SLC39A10: variants seen among roughly 807,000 people sequenced by gnomAD.
SLC39A10 encodes zinc transporter ZIP10.
In SLC39A10, 13 loss-of-function variants were observed where a neutral mutation model predicts 65.1. The ratio of observed to expected loss-of-function variants is 0.20; its 90% CI spans 0.13 to 0.32. The LOEUF (loss-of-function observed/expected upper bound fraction) is 0.32, where lower values mean the gene tolerates loss of function less well. Among genes scored for constraint, SLC39A10 ranks in the 10% least tolerant of loss-of-function variants. The probability of loss-of-function intolerance (pLI) is 1.00; values close to 1 mark genes in which losing one functional copy is unlikely to be tolerated. For synonymous variants in SLC39A10, 321 were observed against 342.2 expected (o/e 0.94, Z 0.68); for missense variants, 831 against 1,018.4 (o/e 0.82, Z 2.50).
upstream of SLC39A10, among the ~76,000 whole-genome samples, chr2:195,652,547 T>TAAA (rs746583732): frequency 5.7e-5 from 7 of 123,810 alleles, no homozygotes; most frequent in African/African-American, 2.1e-4. Flanking sequence ...AGACTCATCT[T>TAAA]AAAAAAAAAA....
chr2:195,632,187 C>T (rs1688597893), intron 2 of SLC39A10, among the ~76,000 whole-genome samples: 1 of 151,826 alleles, frequency 6.6e-6, no homozygotes, highest in Admixed American at 6.6e-5. Flanking sequence ...GCCACCACAC[C>T]CATCATCATG....
intron 5 of SLC39A10, among the ~76,000 whole-genome samples, chr2:195,712,929 A>G (rs1414538568): frequency 6.6e-6 from 1 of 152,152 alleles, no homozygotes; most frequent in Non-Finnish European, 1.5e-5. Flanking sequence ...ATTTTTACAG[A>G]TGAGTATTCT....
chr2:195,693,559 C>A (rs1464535592), intron 3 of SLC39A10, among the ~76,000 whole-genome samples: 3 of 151,942 alleles, frequency 2.0e-5, no homozygotes, highest in African/African-American at 7.3e-5. Context: ...ATTTATCCAT[C>A]TCATCTAGGT....
intron 2 of SLC39A10, among the ~76,000 whole-genome samples, chr2:195,638,993 G>C (rs972976272): frequency 4.0e-5 from 6 of 150,772 alleles, no homozygotes; most frequent in African/African-American, 1.5e-4. Flanking sequence ...GGTCATGCTG[G>C]TGCCCCGGCT....
At chr2:195,630,987 G>A (rs1209704323) in intron 2 of SLC39A10, among the ~76,000 whole-genome samples, 2 of 152,142 alleles carry the variant, frequency 1.3e-5, no homozygotes, top group Non-Finnish European at 2.9e-5. Flanking sequence ...TCAAGAGTTT[G>A]AGACCAGCCT....
chr2:195,687,128 C>A (rs777565696), intron 3 of SLC39A10, among the ~76,000 whole-genome samples: 5 of 152,032 alleles, frequency 3.3e-5, no homozygotes, highest in Admixed American at 1.3e-4. Flanking sequence ...GCTTATTGAT[C>A]TTGGTGGATG....
chr2:195,731,498 G>A (rs1692432099), intron 9 of SLC39A10, among the ~76,000 whole-genome samples: 1 of 152,054 alleles, frequency 6.6e-6, no homozygotes, highest in Admixed American at 6.5e-5. Flanking sequence ...GTCAGCTCTG[G>A]GAGGACAGGC....
At chr2:195,689,758 T>C (rs1337503981) in intron 3 of SLC39A10, among the ~76,000 whole-genome samples, 1 of 152,192 alleles carries the variant, frequency 6.6e-6, no homozygotes, top group Non-Finnish European at 1.5e-5. Context: ...CAATCTACTG[T>C]CTTTATGTTT....
At chr2:195,623,195 A>G (rs1039159879) in intron 2 of SLC39A10, among the ~76,000 whole-genome samples, 1 of 152,156 alleles carries the variant, frequency 6.6e-6, no homozygotes, top group Non-Finnish European at 1.5e-5. Context: ...CCTTCAAAGT[A>G]GAATTTCAGA....
rs1691413537 is a variant in SLC39A10 at position 195,706,791 on chromosome 2, AAATGTTTTT to A, written c.1386+18_1386+26del. 11 of 1,487,586 alleles carry A rather than the reference AAATGTTTTT, an allele frequency of 7.4e-6. No homozygotes were observed. The Admixed American group carries it at 1.0e-4, about 14-fold the overall frequency. The allele number at this position is 1,487,586 out of a possible 1,614,324, so 92.1% of individuals were successfully genotyped here. ...TTCTTCATCTACTGCCCCATGTAAG[AAATGTTTTT>A]AATGTTTTTAAAAATTTAAAATAAA... On this transcript the variant is annotated splice_region_variant and intron_variant, in intron 4 of 9. Coordinates refer to ENST00000359634, the MANE Select transcript of SLC39A10 (RefSeq NM_020342.3).
chr2:195,622,830 A>G (rs1038500672), intron 2 of SLC39A10, among the ~76,000 whole-genome samples: 2 of 152,048 alleles, frequency 1.3e-5, no homozygotes, highest in African/African-American at 4.8e-5. Flanking sequence ...AAAATTGGCC[A>G]GGTGTGGTGG....
At chr2:195,723,511 C>T (rs1692125091) in intron 8 of SLC39A10, among the ~76,000 whole-genome samples, 1 of 152,152 alleles carries the variant, frequency 6.6e-6, no homozygotes, top group Non-Finnish European at 1.5e-5. Context: ...GTCGTCTGCA[C>T]TCTCAGAACA....
At position 195,736,268 on chromosome 2, in the gene SLC39A10, A is replaced by ATAAT. The variant is rs1692601298; in HGVS notation, c.*1229_*1232dup. On this transcript the variant is annotated 3_prime_UTR_variant, in exon 10 of 10. Transcript: ENST00000359634. ...CTTTTAGGTGCCCTGTTCTCCTACC[A>ATAAT]TAATTGTGAATGATTTGTGAGAAGT... The ATAAT allele has an allele frequency of 1.3e-5, 2 of 158,264 alleles. No individual in the cohort carries two copies. Among genetic ancestry groups the ATAAT allele is most frequent in the Admixed American group, 6.5e-5 (1 of 15,276 alleles). 9.8% of individuals were successfully genotyped at this position (158,264 alleles called of 1,614,324 possible).
At chr2:195,699,302 T>G (rs1691090894) in intron 3 of SLC39A10, among the ~76,000 whole-genome samples, 1 of 151,844 alleles carries the variant, frequency 6.6e-6, no homozygotes, top group African/African-American at 2.4e-5. Context: ...CTGGTCTAAT[T>G]TTTATTATAT....
chr2:195,690,311 G>A (rs996970464), intron 3 of SLC39A10, among the ~76,000 whole-genome samples: 2 of 151,342 alleles, frequency 1.3e-5, no homozygotes, highest in Non-Finnish European at 2.9e-5. Flanking sequence ...CCACAGTTTA[G>A]CTAATGTGAA....
intron 2 of SLC39A10, among the ~76,000 whole-genome samples, chr2:195,625,173 T>A (rs1688440841): frequency 7.4e-6 from 1 of 134,374 alleles, no homozygotes; most frequent in Non-Finnish European, 1.6e-5. Flanking sequence ...GCTGAAAATG[T>A]ACCATTGCAC....
Position 195,680,173 on chromosome 2 carries a change from C to T in SLC39A10, c.131C>T (p.Thr44Ile). The T allele has an allele frequency of 1.2e-6, 2 of 1,613,848 alleles. No homozygotes were observed. Among genetic ancestry groups the T allele is most frequent in the Non-Finnish European group, 1.7e-6 (2 of 1,179,984 alleles). Residue 44 changes from threonine to isoleucine, a missense_variant, in exon 2 of 10, where the codon ACA becomes ATA. Around this residue, in one of 4 missense-constraint regions of SLC39A10, gnomAD observed 446 missense variants for 499.2 expected, o/e 0.89. Transcript: ENST00000359634. ...EALHRQHRGMTELEPSKFSKQ... is the reference protein window; with the variant it reads ...EALHRQHRGMIELEPSKFSKQ... ...CTTCACAGACAGCATCGTGGAATGA[C>T]AGAATTGGAGCCAAGCAAATTTTCA...
At chr2:195,721,467 C>A (rs185940371) in intron 8 of SLC39A10, among the ~76,000 whole-genome samples, 1 of 151,842 alleles carries the variant, frequency 6.6e-6, no homozygotes, top group Admixed American at 6.6e-5. Flanking sequence ...TTATTACTGT[C>A]TTTTACCTCA....
chr2:195,688,474 T>G (rs964848451), intron 3 of SLC39A10, among the ~76,000 whole-genome samples: 22 of 152,230 alleles, frequency 1.4e-4, no homozygotes, highest in African/African-American at 5.3e-4. Flanking sequence ...TCAAAAGGAT[T>G]ATTCCTTGGA....
Sources: allele counts gnomAD v4.1 joint callset (sites outside exome capture counted in the v4.1 genomes callset), GRCh38; gene constraint gnomAD v4.1.1; regional missense constraint gnomAD v4.1.1; transcripts MANE v1.5; gene names NCBI Gene and HGNC (gene_info 2026-07-23, HGNC 2026-07-21).